Variants in STMN2 observed in about 807,000 individuals in gnomAD.
The protein encoded by STMN2 is stathmin 2.
In STMN2, 2 loss-of-function variants were observed where a neutral mutation model predicts 24.1. That is an observed-to-expected ratio of 0.08 (90% confidence interval 0.03 to 0.26). The LOEUF is 0.26. Among genes scored for constraint, STMN2 ranks in the 10% least tolerant of loss-of-function variants. The probability of loss-of-function intolerance (pLI) is 1.00; values close to 1 mark genes in which losing one functional copy is unlikely to be tolerated. For synonymous variants in STMN2, 83 were observed against 77.5 expected (o/e 1.07, Z -0.37); for missense variants, 114 against 213.6 (o/e 0.53, Z 2.91).
intron 4 of STMN2, among the ~76,000 whole-genome samples, chr8:79,657,440 T>G (rs987132640): frequency 2.0e-5 from 3 of 152,336 alleles, no homozygotes; most frequent in Middle Eastern, 6.8e-3. Flanking sequence ...TTAAAATTCC[T>G]GACATCAACC....
At chr8:79,612,483 T>C (rs985530870) in intron 1 of STMN2, among the ~76,000 whole-genome samples, 1 of 152,094 alleles carries the variant, frequency 6.6e-6, no homozygotes, top group Non-Finnish European at 1.5e-5. Flanking sequence ...CCACGCGAAA[T>C]TTCCGTTTTG....
intron 1 of STMN2, among the ~76,000 whole-genome samples, chr8:79,628,343 T>C (rs975461889): frequency 6.6e-6 from 1 of 151,988 alleles, no homozygotes; most frequent in Non-Finnish European, 1.5e-5. Flanking sequence ...TTTGTATGTT[T>C]AGTAGAGACG....
chr8:79,622,791 CA>C (rs1809547125), intron 1 of STMN2, among the ~76,000 whole-genome samples: 1 of 152,030 alleles, frequency 6.6e-6, no homozygotes, highest in East Asian at 1.9e-4. Flanking sequence ...TATTAAAATA[CA>C]AAAATCTACA....
At chr8:79,656,904 C>T (rs924243380) in intron 4 of STMN2, among the ~76,000 whole-genome samples, 1 of 126,076 alleles carries the variant, frequency 7.9e-6, no homozygotes, top group East Asian at 1.9e-4. Context: ...GATAGAGTCT[C>T]GCTGTGTCGC....
chr8:79,664,766 C>G (rs1206152897), intron 4 of STMN2, 49 bp from the exon 5 acceptor site: 1 of 1,594,944 alleles, frequency 6.3e-7, no homozygotes, highest in African/African-American at 1.3e-5. Context: ...ACGCAAAGGA[C>G]CAGACAAAAA....
At chr8:79,634,517 T>A (rs142110894) in intron 1 of STMN2, among the ~76,000 whole-genome samples, 1 of 152,328 alleles carries the variant, frequency 6.6e-6, no homozygotes, top group African/African-American at 2.4e-5. Context: ...CATAGGCAAA[T>A]GATATTTGAT....
intron 3 of STMN2, among the ~76,000 whole-genome samples, chr8:79,648,099 A>T (rs1810254283): frequency 6.6e-6 from 1 of 152,220 alleles, no homozygotes; most frequent in Non-Finnish European, 1.5e-5. Flanking sequence ...GTTTAAGGGC[A>T]TCTTTAAAAT....
chr8:79,618,706 A>G (rs76268763), intron 1 of STMN2, among the ~76,000 whole-genome samples: 1 of 152,270 alleles, frequency 6.6e-6, no homozygotes, highest in Non-Finnish European at 1.5e-5. Context: ...TATAATATCC[A>G]TTTTTATTAG....
chr8:79,621,090 G>GCA, intron 1 of STMN2: 1 of 882,810 alleles, frequency 1.1e-6, no homozygotes, highest in Non-Finnish European at 1.4e-6. Context: ...CTCCACCAGT[G>GCA]CTGCTGGTGC....
At chr8:79,623,156 A>G (rs1189285001) in intron 1 of STMN2, among the ~76,000 whole-genome samples, 1 of 152,226 alleles carries the variant, frequency 6.6e-6, no homozygotes, top group Non-Finnish European at 1.5e-5. Flanking sequence ...TAATACAAAC[A>G]GAATATACCT....
chr8:79,618,489 A>G (rs1468525200), intron 1 of STMN2, among the ~76,000 whole-genome samples: 3 of 152,148 alleles, frequency 2.0e-5, no homozygotes, highest in East Asian at 3.8e-4. Context: ...TTTGTTGAAT[A>G]AAATAAATTT....
At chr8:79,657,264 A>G (rs889026984) in intron 4 of STMN2, among the ~76,000 whole-genome samples, 13 of 152,150 alleles carry the variant, frequency 8.5e-5, no homozygotes, top group African/African-American at 2.6e-4. Context: ...CTTTTAACGG[A>G]CCATTTTTTT....
chr8:79,633,256 A>G (rs1215501137), intron 1 of STMN2, among the ~76,000 whole-genome samples: 2 of 152,216 alleles, frequency 1.3e-5, no homozygotes, highest in Non-Finnish European at 2.9e-5. Context: ...CTTAGAATGC[A>G]AGCAACTCAT....
chr8:79,615,534 A>G (rs1192686055), intron 1 of STMN2, among the ~76,000 whole-genome samples: 1 of 152,216 alleles, frequency 6.6e-6, no homozygotes, highest in African/African-American at 2.4e-5. Context: ...CTAGCCAGTG[A>G]CCCAGATGTT....
intron 1 of STMN2, among the ~76,000 whole-genome samples, chr8:79,622,114 G>A (rs1302860654): frequency 6.6e-6 from 1 of 152,168 alleles, no homozygotes; most frequent in Non-Finnish European, 1.5e-5. Context: ...GATTAGAGGT[G>A]GGCGTGGGTA....
chr8:79,638,913 G>A (rs1420668280), intron 2 of STMN2, among the ~76,000 whole-genome samples: 1 of 151,546 alleles, frequency 6.6e-6, no homozygotes, highest in Admixed American at 6.6e-5. Context: ...TTATCCATAG[G>A]TTTCCATAAT....
intron 1 of STMN2, among the ~76,000 whole-genome samples, chr8:79,627,950 G>C (rs911457464): frequency 6.6e-6 from 1 of 152,158 alleles, no homozygotes; most frequent in South Asian, 2.1e-4. Flanking sequence ...TCTTAAGGCT[G>C]AATAGTATTC....
At chr8:79,613,700 C>T in intron 1 of STMN2, 1 of 985,432 alleles carries the variant, frequency 1.0e-6, no homozygotes, top group South Asian at 4.7e-5. Context: ...TAAGGATTAA[C>T]CCTTGTTGCG....
intron 1 of STMN2, among the ~76,000 whole-genome samples, chr8:79,629,137 A>G (rs1809736433): frequency 6.6e-6 from 1 of 152,210 alleles, no homozygotes; most frequent in African/African-American, 2.4e-5. Context: ...GTAGAACAAT[A>G]GGACGATGCT....
Sources: gnomAD v4.1 joint callset for allele counts (sites outside exome capture counted in the v4.1 genomes callset) on GRCh38, gnomAD v4.1.1 for gene constraint, MANE v1.5 for transcripts, NCBI Gene and HGNC (gene_info 2026-07-23, HGNC 2026-07-21) for gene names.